Variants in ZNF263 observed in about 807,000 individuals in gnomAD.
ZNF263 encodes zinc finger protein FPM315.
A neutral mutation model predicts 63.1 loss-of-function variants in ZNF263; 49 were observed. The observed-to-expected ratio is 0.78, with a 90% CI of 0.62 to 0.99. The LOEUF (loss-of-function observed/expected upper bound fraction) is 0.99, where lower values mean the gene tolerates loss of function less well. Ranked by LOEUF, ZNF263 falls within the 50% of genes least tolerant of loss-of-function variation. The pLI is 0.00. For missense variants in ZNF263, 872 were observed against 854.8 expected (o/e 1.02, Z -0.25); for synonymous variants, 352 against 324.2 (o/e 1.09, Z -0.92).
At position 3,286,043 on chromosome 16, in the gene ZNF263, C is replaced by T. The variant is rs1178117381; in HGVS notation, c.663C>T (p.Asp221=). 2 of 1,613,444 alleles carry T rather than the reference C, an allele frequency of 1.2e-6. No homozygotes were observed. The highest frequency in any genetic ancestry group is 1.7e-6 in the Non-Finnish European group (2 of 1,179,814). The change falls in exon 4 of 6, where the codon GAC becomes GAT. Residue 221 remains aspartate (D), a synonymous_variant. Transcript: ENST00000219069. The part of the protein sequence containing the change: ...TGPQLPESLE[D]VAMYISQEEW... ...TTCAGTTGCCTGAGAGCTTAGAGGA[C>T]GTGGCAATGTACATCTCCCAGGAGG...
Position 3,289,667 on chromosome 16 carries a change from C to T in ZNF263, c.1161C>T (p.Phe387=). The T allele has an allele frequency of 1.2e-6, 2 of 1,614,226 alleles. No homozygotes were observed. Among genetic ancestry groups the T allele is most frequent in the Non-Finnish European group, 1.7e-6 (2 of 1,180,040 alleles). ...LHLCPLCGKN[F]SNNSNLIRHQ... is the part of the protein sequence containing the mutation. ...TATGTCCCTTGTGTGGCAAAAATTT[C>T]TCTAACAACTCAAACCTAATTAGGC... Residue 387 remains phenylalanine, a synonymous_variant, in exon 6 of 6, where the codon TTC becomes TTT. Coordinates refer to ENST00000219069, the MANE Select transcript of ZNF263 (RefSeq NM_005741.5).
In ZNF263 at chr16:3,289,449, C is replaced by A; in HGVS notation, c.943C>A (p.His315Asn). The change falls in exon 6 of 6, where the codon CAC becomes AAC. Residue 315 changes from histidine (H) to asparagine (N), a missense_variant. Coordinates refer to ENST00000219069, the MANE Select transcript of ZNF263 (RefSeq NM_005741.5). ...GVPSVCSENI[H>N]PQVLLPDQAR... is the part of the protein sequence containing the mutation. ...TCCGTCTGTATGCTCTGAGAACATC[C>A]ACCCTCAGGTGCTGCTTCCTGACCA... 6 of 1,526,504 alleles carry A rather than the reference C, an allele frequency of 3.9e-6. No homozygotes were observed. The highest frequency in any genetic ancestry group is 5.3e-6 in the Non-Finnish European group (6 of 1,140,430). The allele number at this position is 1,526,504 out of a possible 1,614,324, so 94.6% of individuals were successfully genotyped here.
chr16:3,285,101 C>CT lies in ZNF263; in HGVS notation c.430_431insT (p.Pro144LeufsTer21). 6.2e-7 allele frequency: 1 copy of CT among 1,614,110 alleles called. No individual in the cohort carries two copies. ...GGGAACAGAAGTGCTTTTGGAGGAG[C>CT]CTTTGCCTCTGGAAACAGCACGAGA... On this transcript the variant is annotated frameshift_variant, in exon 2 of 6. Transcript: ENST00000219069. LOFTEE classifies it high-confidence loss of function.
chr16:3,284,232 C>T (rs759451371), intron 1 of ZNF263, 27 bp downstream of exon 1: 8 of 1,506,296 alleles, frequency 5.3e-6, no homozygotes, highest in African/African-American at 4.2e-5. Context: ...GCTGTTTTAT[C>T]TGTGGTTTGT....
intron 2 of ZNF263, 137 bp from the exon 3 acceptor site, chr16:3,285,543 TG>T (rs1312460194): frequency 1.2e-6 from 1 of 844,612 alleles, no homozygotes; most frequent in East Asian, 2.6e-5. Flanking sequence ...GGATATCAGC[TG>T]ATTAGGCCTC....
chr16:3,285,076 G>T lies in ZNF263; in HGVS notation c.405G>T (p.Arg135=). Residue 135 remains arginine, a synonymous_variant, in exon 2 of 6, where the codon CGG becomes CGT. Coordinates refer to ENST00000219069, the MANE Select transcript of ZNF263 (RefSeq NM_005741.5). ...RLRQQVTNHG[R]GTEVLLEEPL... ...GTTCCCAGGTCACAAACCATGGGCG[G>T]GGAACAGAAGTGCTTTTGGAGGAGC... is the stretch of plus-strand genomic sequence containing the variant. The T allele has an allele frequency of 6.2e-7, 1 of 1,614,180 alleles. No individual in the cohort carries two copies. The highest frequency in any genetic ancestry group is 8.5e-7 in the Non-Finnish European group (1 of 1,180,034).
In ZNF263 at chr16:3,283,771, T is replaced by C. The variant is rs952626972; in HGVS notation, c.-48T>C. 1 of 1,497,194 alleles carries C rather than the reference T, an allele frequency of 6.7e-7. No homozygotes were observed. The highest frequency in any genetic ancestry group is 2.2e-5 in the Admixed American group (1 of 44,826). The allele number at this position is 1,497,194 out of a possible 1,614,324, so 92.7% of individuals were successfully genotyped here. A position where few individuals can be genotyped will look rare whatever the true frequency, so the allele number is the denominator to read the frequency against. On this transcript the variant is annotated 5_prime_UTR_variant, in exon 1 of 6. Coordinates refer to ENST00000219069, the MANE Select transcript of ZNF263 (RefSeq NM_005741.5). Reference sequence around the variant, plus strand: ...CTTACATGGGTTCAGGGCGCCTTCGTAGGCGGGCACGGCTGGTTTCGGGCT... The same window carrying C: ...CTTACATGGGTTCAGGGCGCCTTCGCAGGCGGGCACGGCTGGTTTCGGGCT...
intron 1 of ZNF263, among the ~76,000 whole-genome samples, chr16:3,284,685 C>G (rs910697671): frequency 6.6e-6 from 1 of 152,170 alleles, no homozygotes; most frequent in African/African-American, 2.4e-5. Flanking sequence ...AAAGCTGGGC[C>G]TCCGTTAATT....
chr16:3,290,838 T>A lies in ZNF263; in HGVS notation c.*280T>A. On this transcript the variant is annotated 3_prime_UTR_variant, in exon 6 of 6. Coordinates refer to ENST00000219069, the MANE Select transcript of ZNF263 (RefSeq NM_005741.5). Reference sequence around the variant, plus strand: ...AGGGTGCTCCTACCCTCTTGGTCTTTTTAAAGCCAAGGTGCGATTTGGGCA... The same window carrying A: ...AGGGTGCTCCTACCCTCTTGGTCTTATTAAAGCCAAGGTGCGATTTGGGCA... 1 of 1,171,736 alleles carries A rather than the reference T, an allele frequency of 8.5e-7. No homozygotes were observed. Among genetic ancestry groups the A allele is most frequent in the South Asian group, 3.1e-5 (1 of 32,182 alleles). The allele number at this position is 1,171,736 out of a possible 1,614,324, so 72.6% of individuals were successfully genotyped here. A position where few individuals can be genotyped will look rare whatever the true frequency, so the allele number is the denominator to read the frequency against.
intron 2 of ZNF263, chr16:3,299,328 C>A: frequency 6.3e-7 from 1 of 1,595,724 alleles, no homozygotes; most frequent in African/African-American, 1.4e-5. Flanking sequence ...TAGTTTCCAA[C>A]TCCCCACATT....
chr16:3,284,939 A>T, intron 1 of ZNF263, 120 bp from the exon 2 acceptor site: 1 of 1,265,512 alleles, frequency 7.9e-7, no homozygotes, highest in Admixed American at 2.4e-5. Flanking sequence ...TTTTTCTGTT[A>T]CCTGGGCCCA....
Position 3,289,798 on chromosome 16 carries a change from A to G in ZNF263, c.1292A>G (p.Glu431Gly). The stretch of plus-strand genomic sequence containing the variant: ...TCACTACACAGAGCACACCTGGGAG[A>G]GGAGGCCCACAAGTGCCTTGAATGT... ...FLSLHRAHLGEEAHKCLECGK... is the reference protein window; with the variant it reads ...FLSLHRAHLGGEAHKCLECGK... The change falls in exon 6 of 6, where the codon GAG (glutamate) becomes GGG (glycine). Residue 431 changes from glutamate (E) to glycine (G), a missense_variant. Glu to Gly is a moderately conservative substitution (Grantham distance 98). Coordinates refer to ENST00000219069, the MANE Select transcript of ZNF263 (RefSeq NM_005741.5). 1 of 1,614,200 alleles carries G rather than the reference A, an allele frequency of 6.2e-7. No homozygotes were observed. The highest frequency in any genetic ancestry group is 2.2e-5 in the East Asian group (1 of 44,884).
chr16:3,299,477 T>C lies in ZNF263; in HGVS notation c.*46+321T>C, dbSNP rs199887763. The C allele has an allele frequency of 3.4e-5, 53 of 1,552,618 alleles. No individual in the cohort carries two copies. Among genetic ancestry groups the C allele is most frequent in the Admixed American group, 8.5e-5 (4 of 46,874 alleles). ...TCCCAACTTTTTGCCCAGTTAAAAATTGCACTTTTTATATTGTAGATTTTA... is the reference window on the plus strand; with the variant it reads ...TCCCAACTTTTTGCCCAGTTAAAAACTGCACTTTTTATATTGTAGATTTTA... On this transcript the variant is annotated intron_variant, in intron 2 of 2. Coordinates refer to the ZNF263 transcript ENST00000574674.
rs1261094280 is a variant in ZNF263, at chr16:3,290,648, A to G, written c.*90A>G. On this transcript the variant is annotated 3_prime_UTR_variant, in exon 6 of 6. Transcript: ENST00000219069. The stretch of plus-strand genomic sequence containing the variant: ...CTGGTATTCCCTGCCCAGCCGACCA[A>G]ATGACCTCTGCATTCTTCAGGTAAT... 2.7e-6 allele frequency: 4 copies of G among 1,490,912 alleles called. No homozygotes were observed. The highest frequency in any genetic ancestry group is 3.5e-6 in the Non-Finnish European group (4 of 1,129,086). The allele number at this position is 1,490,912 out of a possible 1,614,324, so 92.4% of individuals were successfully genotyped here. A position where few individuals can be genotyped will look rare whatever the true frequency, so the allele number is the denominator to read the frequency against.
At chr16:3,294,316 A>AT, downstream of ZNF263, among the ~76,000 whole-genome samples, 2 of 152,242 alleles carry the variant, frequency 1.3e-5, no homozygotes, top group South Asian at 2.1e-4. Context: ...AAAACTTGTA[A>AT]TTTTTTCTAA....
At chr16:3,293,866 G>A (rs1392645948), downstream of ZNF263, among the ~76,000 whole-genome samples, 2 of 152,256 alleles carry the variant, frequency 1.3e-5, no homozygotes, top group East Asian at 1.9e-4. Context: ...TGGCTGTAAT[G>A]AAAGAACTTT....
chr16:3,287,858 T>C (rs184417942), intron 4 of ZNF263, among the ~76,000 whole-genome samples: 1 of 152,098 alleles, frequency 6.6e-6, no homozygotes, highest in East Asian at 1.9e-4. Context: ...AAATGGATTA[T>C]TCAAGGAACT....
Position 3,290,194 on chromosome 16 carries a change from C to A in ZNF263, c.1688C>A (p.Thr563Lys), listed in dbSNP as rs895122062. The part of the protein sequence containing the change: ...EAVSDSTPFL[T>K]NHGAHKAEKK... The stretch of plus-strand genomic sequence containing the variant: ...GTGAGTGACAGCACCCCCTTTCTTA[C>A]AAACCATGGAGCCCATAAGGCAGAG... The change falls in exon 6 of 6, where the codon ACA becomes AAA. Residue 563 changes from threonine to lysine, a missense_variant. Physicochemically the swap from Thr to Lys is moderately conservative, Grantham distance 78. Transcript: ENST00000219069. The A allele has an allele frequency of 1.9e-6, 3 of 1,614,152 alleles. No homozygotes were observed. The highest frequency in any genetic ancestry group is 1.7e-5 in the Admixed American group (1 of 60,012).
In ZNF263 at chr16:3,291,287, G is replaced by A; in HGVS notation, c.*729G>A. 1.0e-6 allele frequency: 1 copy of A among 985,398 alleles called. No homozygotes were observed. The highest frequency in any genetic ancestry group is 1.2e-6 in the Non-Finnish European group (1 of 829,920). The allele number at this position is 985,398 out of a possible 1,614,324, so 61.0% of individuals were successfully genotyped here. On this transcript the variant is annotated 3_prime_UTR_variant, in exon 6 of 6. Transcript: ENST00000219069. ...AGAATGAGATTCCCCCCACCTGTGTGAGAAAAATAAACAGCTCTGGAGTCT... is the reference window on the plus strand; with the variant it reads ...AGAATGAGATTCCCCCCACCTGTGTAAGAAAAATAAACAGCTCTGGAGTCT...
Sources: gnomAD v4.1 joint callset for allele counts (sites outside exome capture counted in the v4.1 genomes callset) on GRCh38, gnomAD v4.1.1 for gene constraint, MANE v1.5 for transcripts, NCBI Gene and HGNC (gene_info 2026-07-23, HGNC 2026-07-21) for gene names.